Variants in C1orf21 observed in about 807,000 individuals in gnomAD.
C1orf21 encodes the protein chromosome 1 open reading frame 21, also known as uncharacterized protein C1orf21.
C1orf21 carries 3 observed loss-of-function variants against 18.7 expected under a neutral mutation model. The ratio of observed to expected loss-of-function variants is 0.16; its 90% CI spans 0.07 to 0.42. C1orf21 has a LOEUF of 0.42. Among genes scored for constraint, C1orf21 ranks in the 10% least tolerant of loss-of-function variants. The pLI is 0.99. For synonymous variants in C1orf21, 41 were observed against 46.4 expected, an observed-to-expected ratio of 0.88 and a Z score of 0.47; for missense variants, 104 against 143.6, an observed-to-expected ratio of 0.72 and a Z score of 1.41.
chr1:184,587,655 GTTT>G (rs3034488), intron 3 of C1orf21, among the ~76,000 whole-genome samples: 1 of 128,006 alleles, frequency 7.8e-6, no homozygotes, highest in Non-Finnish European at 1.7e-5. Context: ...TTTTTGTATG[GTTT>G]TTTTTTTTTT....
At chr1:184,458,639 G>A (rs185844031) in intron 1 of C1orf21, among the ~76,000 whole-genome samples, 76 of 152,190 alleles carry the variant, frequency 5.0e-4, no homozygotes, top group Non-Finnish European at 8.4e-4. Context: ...TACCAACTCT[G>A]GCTTTTACAA....
intron 3 of C1orf21, among the ~76,000 whole-genome samples, chr1:184,530,904 G>T (rs1484360455): frequency 6.6e-6 from 1 of 152,038 alleles, no homozygotes; most frequent in Non-Finnish European, 1.5e-5. Context: ...AAATGGCATT[G>T]TGGTAATATT....
At chr1:184,411,321 G>T (rs753192906) in intron 1 of C1orf21, among the ~76,000 whole-genome samples, 2 of 152,006 alleles carry the variant, frequency 1.3e-5, no homozygotes, top group African/African-American at 2.4e-5. Flanking sequence ...TGCTTGCTGG[G>T]CAGCTTTCCA....
At chr1:184,589,372 A>G (rs1322605226) in intron 3 of C1orf21, among the ~76,000 whole-genome samples, 1 of 152,224 alleles carries the variant, frequency 6.6e-6, no homozygotes, top group Non-Finnish European at 1.5e-5. Flanking sequence ...TCATTCATTC[A>G]CCAGTATTTG....
chr1:184,391,678 A>C (rs1018958097), intron 1 of C1orf21, among the ~76,000 whole-genome samples: 1 of 152,146 alleles, frequency 6.6e-6, no homozygotes, highest in African/African-American at 2.4e-5. Flanking sequence ...AAACATACCA[A>C]GCATGATGTC....
At chr1:184,473,012 A>G (rs954039178) in intron 1 of C1orf21, among the ~76,000 whole-genome samples, 2 of 152,252 alleles carry the variant, frequency 1.3e-5, no homozygotes, top group Admixed American at 1.3e-4. Context: ...GCATTCAATT[A>G]GGCTAGCTCA....
chr1:184,615,737 G>A (rs1659810955), intron 5 of C1orf21, among the ~76,000 whole-genome samples: 1 of 152,178 alleles, frequency 6.6e-6, no homozygotes, highest in African/African-American at 2.4e-5. Flanking sequence ...CCCCTGTGAT[G>A]CTGAGATGGG....
intron 1 of C1orf21, among the ~76,000 whole-genome samples, chr1:184,457,283 G>T (rs1265690914): frequency 6.6e-6 from 1 of 152,154 alleles, no homozygotes; most frequent in Non-Finnish European, 1.5e-5. Flanking sequence ...GAGCAAAGAT[G>T]AGTAAAACTG....
intron 3 of C1orf21, among the ~76,000 whole-genome samples, chr1:184,572,849 G>T (rs1051975275): frequency 1.1e-4 from 17 of 152,036 alleles, no homozygotes; most frequent in African/African-American, 4.1e-4. Flanking sequence ...CTACTCAGGA[G>T]GCTGAGGCAG....
chr1:184,536,994 T>C (rs1464853059), intron 3 of C1orf21, among the ~76,000 whole-genome samples: 1 of 152,214 alleles, frequency 6.6e-6, no homozygotes, highest in African/African-American at 2.4e-5. Flanking sequence ...TGGCTTCTGT[T>C]GAATACAAAG....
chr1:184,621,267 T>C lies in C1orf21; in HGVS notation c.*1711T>C, dbSNP rs568465250. Reference sequence around the variant, plus strand: ...GAGTGCTATTGACTATAGATTCACATATTAGCAACAAAATCCCGTAATTCT... The same window carrying C: ...GAGTGCTATTGACTATAGATTCACACATTAGCAACAAAATCCCGTAATTCT... On this transcript the variant is annotated 3_prime_UTR_variant, in exon 6 of 6. Transcript: ENST00000235307. The C allele has an allele frequency of 6.6e-6, 1 of 152,654 alleles. No individual in the cohort carries two copies. The highest frequency in any genetic ancestry group is 1.5e-5 in the Non-Finnish European group (1 of 68,042). The allele number at this position is 152,654 out of a possible 1,614,324, so 9.5% of individuals were successfully genotyped here. A position where few individuals can be genotyped will look rare whatever the true frequency, so the allele number is the denominator to read the frequency against.
chr1:184,605,868 T>A (rs1057305804), intron 5 of C1orf21, among the ~76,000 whole-genome samples: 1 of 152,216 alleles, frequency 6.6e-6, no homozygotes, highest in South Asian at 2.1e-4. Flanking sequence ...GTCGCCTGTG[T>A]TTGTACCATC....
chr1:184,603,873 T>C (rs1302876233), intron 5 of C1orf21, among the ~76,000 whole-genome samples: 1 of 152,246 alleles, frequency 6.6e-6, no homozygotes, highest in African/African-American at 2.4e-5. Flanking sequence ...CATTTACACT[T>C]ACAAAATGTT....
At chr1:184,479,613 CTTTTTTT>C (rs55840285) in intron 2 of C1orf21, among the ~76,000 whole-genome samples, 1 of 62,214 alleles carries the variant, frequency 1.6e-5, no homozygotes, top group East Asian at 5.8e-4. Flanking sequence ...TCCCATAGGT[CTTTTTTT>C]TTTTTTTTTT....
chr1:184,480,882 G>A (rs942685043), intron 2 of C1orf21, among the ~76,000 whole-genome samples: 3 of 152,160 alleles, frequency 2.0e-5, no homozygotes, highest in African/African-American at 7.2e-5. Context: ...TGCATCACAA[G>A]CAGAGCTAGG....
At chr1:184,510,146 C>T (rs1658122942) in intron 3 of C1orf21, among the ~76,000 whole-genome samples, 1 of 152,110 alleles carries the variant, frequency 6.6e-6, no homozygotes, top group African/African-American at 2.4e-5. Flanking sequence ...TTGGTGAGAG[C>T]TTTCTAAATG....
intron 2 of C1orf21, among the ~76,000 whole-genome samples, chr1:184,479,772 C>T (rs1264600590): frequency 1.3e-5 from 2 of 151,786 alleles, no homozygotes; most frequent in Non-Finnish European, 2.9e-5. Context: ...CAGGCACGTG[C>T]GCTCACACCT....
chr1:184,511,233 C>T (rs1658139041), intron 3 of C1orf21, among the ~76,000 whole-genome samples: 1 of 152,142 alleles, frequency 6.6e-6, no homozygotes, highest in Non-Finnish European at 1.5e-5. Context: ...AACCATGGAT[C>T]ATACAACAAT....
chr1:184,539,131 G>A (rs1168690712), intron 3 of C1orf21, among the ~76,000 whole-genome samples: 3 of 152,102 alleles, frequency 2.0e-5, no homozygotes, highest in Admixed American at 6.5e-5. Context: ...GTTCACTGGG[G>A]TTTTTCACAT....
Sources: allele counts gnomAD v4.1 joint callset (sites outside exome capture counted in the v4.1 genomes callset), GRCh38; gene constraint gnomAD v4.1.1; transcripts MANE v1.5; gene names NCBI Gene and HGNC (gene_info 2026-07-23, HGNC 2026-07-21).